Variants in MRPS25 observed in about 807,000 individuals in gnomAD.
MRPS25 encodes small ribosomal subunit protein mS25.
A neutral mutation model predicts 17.3 loss-of-function variants in MRPS25; 15 were observed. The observed-to-expected ratio is 0.87, with a 90% CI of 0.58 to 1.34. MRPS25 has a LOEUF of 1.34. Among genes scored for constraint, MRPS25 ranks in the 40% most tolerant of loss-of-function variants. The pLI is 0.00. For missense variants in MRPS25, 225 were observed against 218.6 expected (o/e 1.03, Z -0.19); for synonymous variants, 94 against 83.3 (o/e 1.13, Z -0.70).
rs2042592428 is a variant in MRPS25 at position 15,050,807 on chromosome 3, T to C, written c.*1634A>G. 1.0e-6 allele frequency: 1 copy of C among 984,880 alleles called. No individual in the cohort carries two copies. The highest frequency in any genetic ancestry group is 1.2e-6 in the Non-Finnish European group (1 of 829,792). The allele number at this position is 984,880 out of a possible 1,614,324, so 61.0% of individuals were successfully genotyped here. On this transcript the variant is annotated 3_prime_UTR_variant, in exon 4 of 4. Transcript: ENST00000253686. ...GACAAGCCATCACCCCAAACCCAGA[T>C]CTGGTACAGAATCAAACTTGAGCAT...
At position 15,050,335 on chromosome 3, in the gene MRPS25, T is replaced by C; in HGVS notation, c.*2106A>G. On this transcript the variant is annotated 3_prime_UTR_variant, in exon 4 of 4. Transcript: ENST00000253686. ...AGCCTGAACTCAAACCCTAGTTATCTGTCCCATTAGGGACCAGACATTTAT... is the reference window on the plus strand; with the variant it reads ...AGCCTGAACTCAAACCCTAGTTATCCGTCCCATTAGGGACCAGACATTTAT... 9.3e-7 allele frequency: 1 copy of C among 1,074,442 alleles called. No individual in the cohort carries two copies. Among genetic ancestry groups the C allele is most frequent in the Non-Finnish European group, 1.1e-6 (1 of 887,604 alleles). 66.6% of individuals were successfully genotyped at this position (1,074,442 alleles called of 1,614,324 possible).
chr3:15,064,987 G>A, intron 1 of MRPS25, 74 bp downstream of exon 1: 2 of 1,527,380 alleles, frequency 1.3e-6, no homozygotes, highest in Non-Finnish European at 1.8e-6. Flanking sequence ...AGAGCGACTC[G>A]GGACCTCACG....
At chr3:15,061,477 A>C (rs1263009511) in intron 1 of MRPS25, among the ~76,000 whole-genome samples, 2 of 152,036 alleles carry the variant, frequency 1.3e-5, no homozygotes, top group African/African-American at 2.4e-5. Flanking sequence ...CTCGGCCTCC[A>C]GAGGTGCCGG....
chr3:15,052,144 T>C lies in MRPS25; in HGVS notation c.*297A>G. The stretch of plus-strand genomic sequence containing the variant: ...GTCAACAGGCTGTGGCCTTAACCTC[T>C]CAGGCCCAAAGCCTTTCTGCTACAC... On this transcript the variant is annotated 3_prime_UTR_variant, in exon 4 of 4. Transcript: ENST00000253686. The C allele has an allele frequency of 9.0e-7, 1 of 1,114,980 alleles. No individual in the cohort carries two copies. The highest frequency in any genetic ancestry group is 1.1e-6 in the Non-Finnish European group (1 of 912,412). 69.1% of individuals were successfully genotyped at this position (1,114,980 alleles called of 1,614,324 possible).
At chr3:15,044,040 GAGCGT>G (rs2042364303), downstream of MRPS25, 5 of 152,202 alleles carry the variant, frequency 3.3e-5, no homozygotes, top group Admixed American at 3.3e-4. Context: ...CTTGGAGTGT[GAGCGT>G]TACCTTCCCA....
intron 1 of MRPS25, among the ~76,000 whole-genome samples, chr3:15,062,443 TG>T (rs150165597): frequency 2.0e-5 from 2 of 99,398 alleles, no homozygotes; most frequent in Non-Finnish European, 4.1e-5. Context: ...GGGAGGGAGG[TG>T]GGGGGGGTCA....
At chr3:15,043,100 T>G, downstream of MRPS25, 1 of 1,221,784 alleles carries the variant, frequency 8.2e-7, no homozygotes, top group Admixed American at 2.9e-5. Context: ...TGTGCAAATA[T>G]TTCCATATGT....
chr3:15,060,898 A>G (rs2042744570), intron 1 of MRPS25, among the ~76,000 whole-genome samples: 1 of 151,752 alleles, frequency 6.6e-6, no homozygotes, highest in African/African-American at 2.4e-5. Context: ...AAATAAATAA[A>G]TAGTTAAGCC....
At chr3:15,043,510 G>A (rs542994520), downstream of MRPS25, 91 of 152,820 alleles carry the variant, frequency 6.0e-4, no homozygotes, top group Admixed American at 2.0e-3. Context: ...GTCTTTTGCC[G>A]AAATGCTAAT....
chr3:15,056,599 C>T (rs1186511881), intron 2 of MRPS25, among the ~76,000 whole-genome samples: 1 of 152,172 alleles, frequency 6.6e-6, no homozygotes, highest in East Asian at 1.9e-4. Flanking sequence ...AGGTTGCTGG[C>T]TTTGAAGATG....
chr3:15,059,458 T>A lies in MRPS25; in HGVS notation c.152A>T (p.Asn51Ile), dbSNP rs139747261. The change falls in exon 2 of 4, where the codon AAC (asparagine) becomes ATC (isoleucine). Residue 51 changes from asparagine (N) to isoleucine (I), a missense_variant. Coordinates refer to ENST00000253686, the MANE Select transcript of MRPS25 (RefSeq NM_022497.5). ...GEGARKFVFF[N>I]IPQIQYKNPW... ...GTTTTTGTATTGAATCTGAGGTATG[T>A]TGAAAAACACAAACTTCCTGCAAAA... The A allele has an allele frequency of 1.2e-6, 2 of 1,612,754 alleles. No homozygotes were observed. Among genetic ancestry groups the A allele is most frequent in the Middle Eastern group, 3.3e-4 (2 of 6,058 alleles).
chr3:15,058,947 G>A (rs2042708155), intron 2 of MRPS25, among the ~76,000 whole-genome samples: 1 of 152,022 alleles, frequency 6.6e-6, no homozygotes, highest in African/African-American at 2.4e-5. Context: ...GGGGTTCTGG[G>A]GGCATGTGGG....
At chr3:15,064,532 T>TA (rs2042827991) in intron 1 of MRPS25, among the ~76,000 whole-genome samples, 1 of 152,158 alleles carries the variant, frequency 6.6e-6, no homozygotes, top group African/African-American at 2.4e-5. Flanking sequence ...GCAAGTTACT[T>TA]AACCTCTCTG....
At position 15,050,077 on chromosome 3, in the gene MRPS25, A is replaced by G. The variant is rs968182045; in HGVS notation, c.*2364T>C. 1.5e-5 allele frequency: 22 copies of G among 1,425,866 alleles called. No individual in the cohort carries two copies. The highest frequency in any genetic ancestry group is 1.0e-5 in the Non-Finnish European group (11 of 1,104,842). The allele number at this position is 1,425,866 out of a possible 1,614,324, so 88.3% of individuals were successfully genotyped here. On this transcript the variant is annotated 3_prime_UTR_variant, in exon 4 of 4. Coordinates refer to ENST00000253686, the MANE Select transcript of MRPS25 (RefSeq NM_022497.5). ...TCCCATTTCTGTATATTTTAAACCC[A>G]TCTTTCATCACTACTAAACAAAATA...
chr3:15,045,048 A>G (rs1298338150), downstream of MRPS25: 1 of 152,304 alleles, frequency 6.6e-6, no homozygotes, highest in South Asian at 2.1e-4. Flanking sequence ...TCTAACCCTG[A>G]TGTGTTTTCA....
intron 2 of MRPS25, among the ~76,000 whole-genome samples, chr3:15,055,189 T>A (rs2042654932): frequency 6.6e-6 from 1 of 152,186 alleles, no homozygotes; most frequent in South Asian, 2.1e-4. Flanking sequence ...AAACCATTCA[T>A]GAGAAACCGC....
intron 2 of MRPS25, among the ~76,000 whole-genome samples, chr3:15,057,475 CAT>C (rs1471143149): frequency 6.6e-6 from 1 of 152,224 alleles, no homozygotes; most frequent in Non-Finnish European, 1.5e-5. Flanking sequence ...AACCACGAAA[CAT>C]GTAACCTGGG....
In MRPS25 at chr3:15,065,069, C is replaced by G. The variant is rs2042835576; in HGVS notation, c.126G>C (p.Glu42Asp). Residue 42 changes from glutamate (E) to aspartate (D), a missense_variant, in exon 1 of 4, where the codon GAG (glutamate) becomes GAC (aspartate). Physicochemically the swap from Glu to Asp is conservative, Grantham distance 45. Transcript: ENST00000253686. ...VNYNTHGELG[E>D]GARKFVFFNI... ...CCGGGGCTGCGACTGACCTGGCGCC[C>G]TCGCCCAGCTCCCCATGCGTGTTGT... is the stretch of plus-strand genomic sequence containing the variant. 1.3e-6 allele frequency: 2 copies of G among 1,592,136 alleles called. No homozygotes were observed. Among genetic ancestry groups the G allele is most frequent in the African/African-American group, 2.7e-5 (2 of 74,572 alleles).
At chr3:15,060,829 C>T (rs898134209) in intron 1 of MRPS25, among the ~76,000 whole-genome samples, 1 of 152,028 alleles carries the variant, frequency 6.6e-6, no homozygotes, top group African/African-American at 2.4e-5. Flanking sequence ...TGCAGTGAGC[C>T]GAGATCGCGC....
Sources: allele counts gnomAD v4.1 joint callset (sites outside exome capture counted in the v4.1 genomes callset), GRCh38; gene constraint gnomAD v4.1.1; transcripts MANE v1.5; gene names NCBI Gene and HGNC (gene_info 2026-07-23, HGNC 2026-07-21).